CLSTN1: variants seen among roughly 807,000 people sequenced by gnomAD.
CLSTN1 encodes the protein calsyntenin 1.
CLSTN1 carries 28 observed loss-of-function variants against 108.3 expected under a neutral mutation model. The observed-to-expected ratio is 0.26, with a 90% confidence interval of 0.19 to 0.35. The LOEUF (loss-of-function observed/expected upper bound fraction) is 0.35. CLSTN1 is among the 10% of genes least tolerant of loss of function. The pLI is 1.00. For synonymous variants in CLSTN1, 524 were observed against 534.9 expected (o/e 0.98, Z 0.28); for missense variants, 1,157 against 1,302.6 (o/e 0.89, Z 1.72).
intron 7 of CLSTN1, among the ~76,000 whole-genome samples, chr1:9,746,350 C>T (rs1326726846): frequency 2.0e-5 from 3 of 152,218 alleles, no homozygotes; most frequent in Admixed American, 2.0e-4. Flanking sequence ...CTTGACTAAG[C>T]TATTACTCGG....
chr1:9,744,764 T>C, intron 7 of CLSTN1, 121 bp from the exon 8 acceptor site: 1 of 1,257,504 alleles, frequency 8.0e-7, no homozygotes, highest in Admixed American at 2.9e-5. Context: ...TACTTTTTTT[T>C]TTTCTTTCGA....
intron 1 of CLSTN1, among the ~76,000 whole-genome samples, chr1:9,780,404 C>A (rs2101186756): frequency 6.6e-6 from 1 of 152,170 alleles, no homozygotes; most frequent in African/African-American, 2.4e-5. Context: ...TACAGAAAAC[C>A]CATGATGAGT....
rs1249377115 is a variant in CLSTN1 at position 9,823,388 on chromosome 1, C to T, written c.91+255G>A. 6.6e-6 allele frequency among the ~76,000 whole-genome samples: 1 copy of T among 152,150 alleles called. No homozygotes were observed. Among genetic ancestry groups the T allele is most frequent in the Non-Finnish European group, 1.5e-5 (1 of 68,004 alleles). On this transcript the variant is annotated intron_variant, in intron 1 of 18. Coordinates refer to ENST00000377298, the MANE Select transcript of CLSTN1 (RefSeq NM_001009566.3). The surrounding 1 kb of genome is among the most constrained non-coding windows in gnomAD (Gnocchi z 6.3). ...CCCGCCCGGGACGGAGCCTGGCTTC[C>T]CCGGGACGCCTGCAGCGCGCGCCCA...
chr1:9,758,011 G>C (rs187238433), intron 2 of CLSTN1, among the ~76,000 whole-genome samples: 3 of 151,776 alleles, frequency 2.0e-5, no homozygotes, highest in African/African-American at 7.3e-5. Flanking sequence ...TTTTGGGGGG[G>C]GGTGGGAACG....
intron 2 of CLSTN1, among the ~76,000 whole-genome samples, chr1:9,771,885 T>G (rs1652701277): frequency 6.6e-6 from 1 of 152,174 alleles, no homozygotes; most frequent in Non-Finnish European, 1.5e-5. Flanking sequence ...AACAAACTCA[T>G]GTTTATTTCC....
At chr1:9,783,517 C>T (rs530622118) in intron 1 of CLSTN1, among the ~76,000 whole-genome samples, 5 of 152,122 alleles carry the variant, frequency 3.3e-5, no homozygotes, top group South Asian at 2.1e-4. Flanking sequence ...GTCAGGAGTT[C>T]GAGACCAGCT....
In CLSTN1 at chr1:9,738,794, G is replaced by A. The variant is rs1490411521; in HGVS notation, c.1520-1240C>T. Among the ~76,000 whole-genome samples the A allele has an allele frequency of 7.9e-5, 12 of 152,160 alleles. No homozygotes were observed. The East Asian group carries it at 1.7e-3, about 22-fold the overall frequency. On this transcript the variant is annotated intron_variant, in intron 10 of 18. Transcript: ENST00000377298. Reference sequence around the variant, plus strand: ...CTCCCAAGTAACTGGGATTACAGGCGCACGCCACCACGCCTGGCTAATTTT... The same window carrying A: ...CTCCCAAGTAACTGGGATTACAGGCACACGCCACCACGCCTGGCTAATTTT...
intron 1 of CLSTN1, among the ~76,000 whole-genome samples, chr1:9,812,118 C>T (rs1407277640): frequency 2.6e-5 from 4 of 152,132 alleles, no homozygotes; most frequent in Admixed American, 1.3e-4. Flanking sequence ...GGCTGGGCAA[C>T]AGAGCAAGAC....
intron 1 of CLSTN1, among the ~76,000 whole-genome samples, chr1:9,787,960 C>T (rs892213864): frequency 6.6e-6 from 1 of 151,432 alleles, no homozygotes; most frequent in African/African-American, 2.4e-5. Flanking sequence ...GTGAATTTGA[C>T]TATTTGACTA....
Position 9,773,397 on chromosome 1 carries a change from G to A in CLSTN1, c.92-3C>T. On this transcript the variant is annotated splice_region_variant and splice_polypyrimidine_tract_variant and intron_variant, in intron 1 of 18. Transcript: ENST00000377298. ...CAGCCAGGGCTTGTGCTTGTTAACTGTGTTTAAAACAAGAGAAAAAAATAG... is the reference window on the plus strand; with the variant it reads ...CAGCCAGGGCTTGTGCTTGTTAACTATGTTTAAAACAAGAGAAAAAAATAG... 6.3e-7 allele frequency: 1 copy of A among 1,598,588 alleles called. No individual in the cohort carries two copies.
At position 9,807,489 on chromosome 1, in the gene CLSTN1, A is replaced by G. The variant is rs536673411; in HGVS notation, c.91+16154T>C. Among the ~76,000 whole-genome samples, 75 of 152,334 alleles carry G rather than the reference A, an allele frequency of 4.9e-4. 2 individuals are homozygous for G. The South Asian group carries it at 0.015, about 31-fold the overall frequency. ...TAAAATGCCTCTATACAAGGGAGTA[A>G]ATTTACTTCATATAGATTTAGGAAC... On this transcript the variant is annotated intron_variant, in intron 1 of 18. Coordinates refer to ENST00000377298, the MANE Select transcript of CLSTN1 (RefSeq NM_001009566.3).
chr1:9,761,499 CTAAAAATTTTTT>C (rs1195530326), intron 2 of CLSTN1, among the ~76,000 whole-genome samples: 3 of 152,064 alleles, frequency 2.0e-5, no homozygotes, highest in South Asian at 2.1e-4. Flanking sequence ...GAGACCATGT[CTAAAAATTTTTT>C]TAAAAATTTT....
chr1:9,817,744 T>A (rs1363012594), intron 1 of CLSTN1, among the ~76,000 whole-genome samples: 1 of 152,106 alleles, frequency 6.6e-6, no homozygotes, highest in East Asian at 1.9e-4. Context: ...CTTGTGAAAA[T>A]TTTTAATCTA....
At chr1:9,769,587 A>G (rs1652564656) in intron 2 of CLSTN1, among the ~76,000 whole-genome samples, 1 of 152,190 alleles carries the variant, frequency 6.6e-6, no homozygotes, top group African/African-American at 2.4e-5. Context: ...AGAAATCTGT[A>G]GTGGTAGCCA....
chr1:9,741,218 T>C lies in CLSTN1; in HGVS notation c.1395A>G (p.Val465=), dbSNP rs575923670. 10 of 1,614,010 alleles carry C rather than the reference T, an allele frequency of 6.2e-6. No homozygotes were observed. In the East Asian group the frequency reaches 8.9e-5, roughly 14 times the overall value. ...DEEWHHYVLN[V]EFPSVTLYVD... is the part of the protein sequence containing the mutation. ...CATAGAGAGTCACACTCGGGAATTCTACATTGAGGACGTAGTGGTGCCATT... is the reference window on the plus strand; with the variant it reads ...CATAGAGAGTCACACTCGGGAATTCCACATTGAGGACGTAGTGGTGCCATT... The change falls in exon 10 of 19, where the codon GTA becomes GTG. Residue 465 remains valine (V), a synonymous_variant. Coordinates refer to ENST00000377298, the MANE Select transcript of CLSTN1 (RefSeq NM_001009566.3).
At chr1:9,779,328 C>T (rs879625588) in intron 1 of CLSTN1, among the ~76,000 whole-genome samples, 1 of 152,014 alleles carries the variant, frequency 6.6e-6, no homozygotes, top group Non-Finnish European at 1.5e-5. Context: ...ATCCCAGCAC[C>T]TTGGGAGGTC....
rs55929301 is a variant in CLSTN1, at chr1:9,800,557, GAAAAAAAAAAA to G, written c.91+23075_91+23085del. Among the ~76,000 whole-genome samples, 240 of 77,326 alleles carry G rather than the reference GAAAAAAAAAAA, an allele frequency of 3.1e-3. 1 individual carries two copies. The highest frequency in any genetic ancestry group is 0.012 in the African/African-American group (226 of 19,568). 50.7% of individuals were successfully genotyped at this position (77,326 alleles called of 152,430 possible). A position where few individuals can be genotyped will look rare whatever the true frequency, so the allele number is the denominator to read the frequency against. On this transcript the variant is annotated intron_variant, in intron 1 of 18. Transcript: ENST00000377298. Reference sequence around the variant, plus strand: ...ATACAGTGAAACCCCGTCTCCACTAGAAAAAAAAAAAAAAAAAAAAAAATTAGCTGGGTGTG... The same window carrying G: ...ATACAGTGAAACCCCGTCTCCACTAGAAAAAAAAAAAATTAGCTGGGTGTG...
chr1:9,790,484 G>A lies in CLSTN1; in HGVS notation c.92-17090C>T, dbSNP rs969497591. Among the ~76,000 whole-genome samples, 4 of 151,272 alleles carry A rather than the reference G, an allele frequency of 2.6e-5. 1 individual carries two copies. In the East Asian group the frequency reaches 7.9e-4, roughly 30 times the overall value. On this transcript the variant is annotated intron_variant, in intron 1 of 18. Coordinates refer to ENST00000377298, the MANE Select transcript of CLSTN1 (RefSeq NM_001009566.3). ...TATGTATGTGGACTAGATCCTATAC[G>A]GTCATGGTGTATCATTCTTCTTGCA...
At chr1:9,821,551 G>A (rs1167771255) in intron 1 of CLSTN1, among the ~76,000 whole-genome samples, 1 of 152,188 alleles carries the variant, frequency 6.6e-6, no homozygotes, top group Non-Finnish European at 1.5e-5. Context: ...GCAGCAGTCT[G>A]TACGTAATCT....
Sources: gnomAD v4.1 joint callset for allele counts (sites outside exome capture counted in the v4.1 genomes callset) on GRCh38, gnomAD v4.1.1 for gene constraint, Gnocchi (gnomAD v3.1) non-coding constraint, MANE v1.5 for transcripts, NCBI Gene and HGNC (gene_info 2026-07-23, HGNC 2026-07-21) for gene names.